Variants in PDXK observed in about 807,000 individuals in gnomAD.
The protein encoded by PDXK is pyridoxal kinase, also known as epididymis secretory sperm binding protein Li 1a.
In PDXK, 15 loss-of-function variants were observed where a neutral mutation model predicts 43.2. The observed-to-expected ratio is 0.35, with a 90% CI of 0.23 to 0.53. PDXK has a LOEUF of 0.53. PDXK is among the 20% of genes least tolerant of loss of function. PDXK has a pLI of 0.92. For synonymous variants in PDXK, 172 were observed against 165.4 expected (o/e 1.04, Z -0.31); for missense variants, 343 against 417.0 (o/e 0.82, Z 1.54).
At chr21:43,745,095 G>A (rs1057399783) in intron 4 of PDXK, among the ~76,000 whole-genome samples, 135 of 152,254 alleles carry the variant, frequency 8.9e-4, no homozygotes, top group African/African-American at 3.2e-3. Flanking sequence ...AAGGCTCGTC[G>A]CGGCTGGGAA....
rs545050204 is a variant in PDXK at position 43,752,278 on chromosome 21, TCA to T, written c.511-238_511-237del. 3.5e-4 allele frequency among the ~76,000 whole-genome samples: 53 copies of T among 152,352 alleles called. 2 individuals carry two copies. In the South Asian group the frequency reaches 0.011, roughly 30 times the overall value. Reference sequence around the variant, plus strand: ...CCCCCAAGGGGGAGGCCCTCGCCAGTCACCTGTGGGGAGCCACACGGTTTGGG... The same window carrying T: ...CCCCCAAGGGGGAGGCCCTCGCCAGTCCTGTGGGGAGCCACACGGTTTGGG... On this transcript the variant is annotated intron_variant, in intron 7 of 10. Coordinates refer to ENST00000291565, the MANE Select transcript of PDXK (RefSeq NM_003681.5).
At chr21:43,727,036 G>A (rs1281698444) in intron 1 of PDXK, among the ~76,000 whole-genome samples, 3 of 152,124 alleles carry the variant, frequency 2.0e-5, no homozygotes, top group Non-Finnish European at 4.4e-5. Flanking sequence ...AGTGTTGGCC[G>A]GCCCCCCCGT....
intron 4 of PDXK, among the ~76,000 whole-genome samples, chr21:43,745,204 G>A (rs1011471694): frequency 7.2e-5 from 11 of 152,154 alleles, no homozygotes; most frequent in African/African-American, 1.2e-4. Flanking sequence ...CGGATCACCT[G>A]AAGTCAGGTG....
Position 43,732,618 on chromosome 21 carries a change from C to T in PDXK, c.88-1451C>T, listed in dbSNP as rs561093748. 17 of 789,862 alleles carry T rather than the reference C, an allele frequency of 2.2e-5. No individual in the cohort carries two copies. The highest frequency in any genetic ancestry group is 5.1e-5 in the Admixed American group (3 of 59,038). The allele number at this position is 789,862 out of a possible 1,614,324, so 48.9% of individuals were successfully genotyped here. A position where few individuals can be genotyped will look rare whatever the true frequency, so the allele number is the denominator to read the frequency against. ...GCAGGATTTTCAGGATTTGTGTCAT[C>T]GTTGCTTAATATCTGTTTCTTCACA... is the stretch of plus-strand genomic sequence containing the variant. On this transcript the variant is annotated intron_variant, in intron 1 of 10. Coordinates refer to ENST00000291565, the MANE Select transcript of PDXK (RefSeq NM_003681.5). This position sits in a 1 kb window ranked among gnomAD's most constrained non-coding sequence, Gnocchi z 4.1.
chr21:43,740,307 T>C (rs928144223), intron 2 of PDXK, among the ~76,000 whole-genome samples: 9 of 152,136 alleles, frequency 5.9e-5, no homozygotes, highest in African/African-American at 2.2e-4. Context: ...GGAGCCCTCC[T>C]CTGGTGTGGG....
rs1230686814 is a variant in PDXK at position 43,758,931 on chromosome 21, A to G, written c.*2868A>G. The G allele has an allele frequency of 2.0e-5, 3 of 152,232 alleles. No individual in the cohort carries two copies. Among genetic ancestry groups the G allele is most frequent in the Non-Finnish European group, 4.4e-5 (3 of 68,038 alleles). 9.4% of individuals were successfully genotyped at this position (152,232 alleles called of 1,614,324 possible). ...CATCTGTTATTTTTCCAATACATGT[A>G]AACAGTTGCAGCATGATGCTTTGTT... On this transcript the variant is annotated 3_prime_UTR_variant, in exon 11 of 11. Transcript: ENST00000291565.
chr21:43,735,724 C>G lies in PDXK; in HGVS notation c.142+1601C>G, dbSNP rs927942832. ...TCTATGGCTGTGGGCTGGCTCCCAG[C>G]CCCCTGTACCCACACTCTCGGGGTC... is the stretch of plus-strand genomic sequence containing the variant. On this transcript the variant is annotated intron_variant, in intron 2 of 10. Coordinates refer to ENST00000291565, the MANE Select transcript of PDXK (RefSeq NM_003681.5). The surrounding 1 kb of genome is among the most constrained non-coding windows in gnomAD (Gnocchi z 5.3). 6.6e-6 allele frequency among the ~76,000 whole-genome samples: 1 copy of G among 152,068 alleles called. No individual in the cohort carries two copies. Among genetic ancestry groups the G allele is most frequent in the African/African-American group, 2.4e-5 (1 of 41,402 alleles).
At chr21:43,750,676 G>A (rs1189923785) in intron 7 of PDXK, 131 bp downstream of exon 7, 12 of 644,410 alleles carry the variant, frequency 1.9e-5, no homozygotes, top group Middle Eastern at 2.6e-4. Flanking sequence ...ACCAGTCGGG[G>A]CCTCCAGAGA....
In PDXK at chr21:43,754,238, G is replaced by T. The variant is rs2083807207; in HGVS notation, c.759+519G>T. On this transcript the variant is annotated intron_variant, in intron 9 of 10. Transcript: ENST00000291565. This position sits in a 1 kb window ranked among gnomAD's most constrained non-coding sequence, Gnocchi z 5.5. ...GGAGAGCCGTCTTTCTGGGCGTTTT[G>T]TCTGGATGTCTGCCTGCTTTTCAAG... 1.3e-5 allele frequency among the ~76,000 whole-genome samples: 2 copies of T among 152,222 alleles called. No homozygotes were observed. The highest frequency in any genetic ancestry group is 1.3e-4 in the Admixed American group (2 of 15,288).
At chr21:43,740,126 G>T (rs900953907) in intron 2 of PDXK, among the ~76,000 whole-genome samples, 1 of 152,064 alleles carries the variant, frequency 6.6e-6, no homozygotes, top group African/African-American at 2.4e-5. Context: ...GCGCCCCCAG[G>T]TGCACCCCCC....
chr21:43,753,205 G>C (rs981518711), intron 8 of PDXK, among the ~76,000 whole-genome samples: 1 of 151,536 alleles, frequency 6.6e-6, no homozygotes, highest in Non-Finnish European at 1.5e-5. Context: ...GGCACACACA[G>C]GCATACATGC....
rs1321882875 is a variant in PDXK, at chr21:43,758,679, C to T, written c.*2616C>T. The stretch of plus-strand genomic sequence containing the variant: ...CCAGATTAGAATTGATCTTTGTTTT[C>T]ACTTTCCATAGTTAATAACATGCAA... On this transcript the variant is annotated 3_prime_UTR_variant, in exon 11 of 11. Coordinates refer to ENST00000291565, the MANE Select transcript of PDXK (RefSeq NM_003681.5). 3 of 153,306 alleles carry T rather than the reference C, an allele frequency of 2.0e-5. No homozygotes were observed. The highest frequency in any genetic ancestry group is 6.5e-5 in the Admixed American group (1 of 15,284). The allele number at this position is 153,306 out of a possible 1,614,324, so 9.5% of individuals were successfully genotyped here.
intron 1 of PDXK, among the ~76,000 whole-genome samples, chr21:43,725,960 C>T (rs973803774): frequency 3.9e-5 from 6 of 152,196 alleles, no homozygotes; most frequent in Non-Finnish European, 7.3e-5. Context: ...AACGTTCCCA[C>T]GTGCTCTCCA....
intron 1 of PDXK, among the ~76,000 whole-genome samples, chr21:43,727,345 C>A (rs553023478): frequency 6.6e-6 from 1 of 151,110 alleles, no homozygotes; most frequent in African/African-American, 2.4e-5. Flanking sequence ...TGCAATCAGC[C>A]GAGGAGGGGC....
chr21:43,742,356 G>A (rs750465747), intron 3 of PDXK, among the ~76,000 whole-genome samples: 3 of 151,954 alleles, frequency 2.0e-5, no homozygotes, highest in Non-Finnish European at 2.9e-5. Flanking sequence ...ACTTTTTGTG[G>A]GTGTGTGTGG....
intron 8 of PDXK, 22 bp downstream of exon 8, chr21:43,752,651 CG>C: frequency 7.1e-7 from 1 of 1,403,854 alleles, no homozygotes; most frequent in Admixed American, 1.7e-5. Flanking sequence ...CATCGTGCAC[CG>C]TGGCCGCCTC....
rs1419736695 is a variant in PDXK, at chr21:43,723,311, C to T, written c.87+3930C>T. ...CTGGGATTACAAGTATGCACCACCA[C>T]ACCTGACTAATTTTTCTGTATTTCT... On this transcript the variant is annotated intron_variant, in intron 1 of 10. Transcript: ENST00000291565. This position sits in a 1 kb window ranked among gnomAD's most constrained non-coding sequence, Gnocchi z 4.1. Among the ~76,000 whole-genome samples, 1 of 152,062 alleles carries T rather than the reference C, an allele frequency of 6.6e-6. No homozygotes were observed. Among genetic ancestry groups the T allele is most frequent in the Non-Finnish European group, 1.5e-5 (1 of 68,026 alleles).
Position 43,733,760 on chromosome 21 carries a change from C to T in PDXK, c.88-309C>T, listed in dbSNP as rs116734038. 805 of 897,024 alleles carry T rather than the reference C, an allele frequency of 9.0e-4. 6 individuals carry two copies. The African/African-American group carries it at 0.013, about 14-fold the overall frequency. 55.6% of individuals were successfully genotyped at this position (897,024 alleles called of 1,614,324 possible). Reference sequence around the variant, plus strand: ...TCTTATTGAGTGCTTTCGCTGGGTGCGATTTCTGGAATGATGCGTGAAGTG... The same window carrying T: ...TCTTATTGAGTGCTTTCGCTGGGTGTGATTTCTGGAATGATGCGTGAAGTG... On this transcript the variant is annotated intron_variant, in intron 1 of 10. Transcript: ENST00000291565.
In PDXK at chr21:43,727,136, C is replaced by T. The variant is rs547018602; in HGVS notation, c.88-6933C>T. ...GGCGGATCCGCAGAACGGGCAGCTT[C>T]GGGGACACAGGGGCTGCTGATTGGC... On this transcript the variant is annotated intron_variant, in intron 1 of 10. Coordinates refer to ENST00000291565, the MANE Select transcript of PDXK (RefSeq NM_003681.5). Among the ~76,000 whole-genome samples, 12 of 152,298 alleles carry T rather than the reference C, an allele frequency of 7.9e-5. No homozygotes were observed. In the South Asian group the frequency reaches 2.1e-3, roughly 26 times the overall value.
Sources: allele counts gnomAD v4.1 joint callset (sites outside exome capture counted in the v4.1 genomes callset), GRCh38; gene constraint gnomAD v4.1.1; non-coding constraint Gnocchi (gnomAD v3.1); transcripts MANE v1.5; gene names NCBI Gene and HGNC (gene_info 2026-07-23, HGNC 2026-07-21).